Variants in SLC9A9 observed in about 807,000 individuals in gnomAD.
SLC9A9 encodes solute carrier family 9 member A9, also known as sodium/hydrogen exchanger 9.
Under a neutral mutation model 77.8 loss-of-function variants are expected in SLC9A9, and 62 were observed. The ratio of observed to expected loss-of-function variants is 0.80; its 90% CI spans 0.65 to 0.98. The LOEUF (loss-of-function observed/expected upper bound fraction) is 0.98. SLC9A9 is among the 50% of genes least tolerant of loss of function. The pLI, the probability that SLC9A9 is intolerant of heterozygous loss-of-function variation, is 0.00. For synonymous variants in SLC9A9, 320 were observed against 283.5 expected, an observed-to-expected ratio of 1.13 and a Z score of -1.29; for missense variants, 775 against 774.9, an observed-to-expected ratio of 1.00 and a Z score of 0.00.
At chr3:143,542,388 A>G (rs1435826425) in intron 9 of SLC9A9, among the ~76,000 whole-genome samples, 1 of 152,234 alleles carries the variant, frequency 6.6e-6, no homozygotes, top group Non-Finnish European at 1.5e-5. Context: ...TGCTTTATGA[A>G]GATATCTTTG....
chr3:143,410,657 G>A lies in SLC9A9; in HGVS notation c.1470-28543C>T, dbSNP rs2034078642. On this transcript the variant is annotated intron_variant, in intron 12 of 15. Coordinates refer to ENST00000316549, the MANE Select transcript of SLC9A9 (RefSeq NM_173653.4). Reference sequence around the variant, plus strand: ...ATCTTAGGGCATTGCTGCCAGAATTGTCTTCTTTTGCACTTTACTATTCTT... The same window carrying A: ...ATCTTAGGGCATTGCTGCCAGAATTATCTTCTTTTGCACTTTACTATTCTT... Among the ~76,000 whole-genome samples the A allele has an allele frequency of 3.3e-5, 5 of 152,088 alleles. No homozygotes were observed. In the South Asian group the frequency reaches 1.0e-3, roughly 31 times the overall value.
chr3:143,396,909 C>T lies in SLC9A9; in HGVS notation c.1470-14795G>A, dbSNP rs115283893. Among the ~76,000 whole-genome samples the T allele has an allele frequency of 4.2e-3, 643 of 152,238 alleles. 4 individuals carry two copies. Among genetic ancestry groups the T allele is most frequent in the African/African-American group, 0.015 (612 of 41,552 alleles). On this transcript the variant is annotated intron_variant, in intron 12 of 15. Transcript: ENST00000316549. ...GTGGCTGGTGTTTACATGTATCTGACAATTTAGATATACATTTTGGAGTGT... is the reference window on the plus strand; with the variant it reads ...GTGGCTGGTGTTTACATGTATCTGATAATTTAGATATACATTTTGGAGTGT...
chr3:143,404,140 T>G (rs949310549), intron 12 of SLC9A9, among the ~76,000 whole-genome samples: 4 of 151,568 alleles, frequency 2.6e-5, no homozygotes, highest in Admixed American at 6.6e-5. Context: ...TACTTTCACC[T>G]CAAGAATTTT....
chr3:143,711,291 G>C (rs1364013056), intron 4 of SLC9A9, among the ~76,000 whole-genome samples: 4 of 152,066 alleles, frequency 2.6e-5, no homozygotes, highest in African/African-American at 2.4e-5. Flanking sequence ...ACTTTTCAGA[G>C]TACACAGACT....
intron 4 of SLC9A9, among the ~76,000 whole-genome samples, chr3:143,712,120 T>G (rs1047228600): frequency 6.6e-6 from 1 of 152,180 alleles, no homozygotes; most frequent in Admixed American, 6.5e-5. Context: ...TTGATTTGAG[T>G]TGAGCAGGCT....
rs770350924 is a variant in SLC9A9 at position 143,451,111 on chromosome 3, T to C, written c.1469+15926A>G. On this transcript the variant is annotated intron_variant, in intron 12 of 15. Transcript: ENST00000316549. Reference sequence around the variant, plus strand: ...CATCTCCAAACACGGGGCAGCTTCATTACTGGCCAACTACAATCTCTACTG... The same window carrying C: ...CATCTCCAAACACGGGGCAGCTTCACTACTGGCCAACTACAATCTCTACTG... Among the ~76,000 whole-genome samples, 6 of 151,794 alleles carry C rather than the reference T, an allele frequency of 4.0e-5. No individual in the cohort carries two copies. In the South Asian group the frequency reaches 1.2e-3, roughly 32 times the overall value.
chr3:143,716,413 ATACT>A (rs1934355037), intron 4 of SLC9A9, among the ~76,000 whole-genome samples: 1 of 151,712 alleles, frequency 6.6e-6, no homozygotes, highest in African/African-American at 2.4e-5. Flanking sequence ...GGAAAATCAC[ATACT>A]TAGTTTCTTA....
At chr3:143,522,459 A>G (rs1285761532) in intron 9 of SLC9A9, among the ~76,000 whole-genome samples, 2 of 152,116 alleles carry the variant, frequency 1.3e-5, no homozygotes, top group African/African-American at 2.4e-5. Context: ...TCTCCTTCCT[A>G]TACTCATGAC....
chr3:143,791,954 A>G (rs774689088), intron 4 of SLC9A9, among the ~76,000 whole-genome samples: 1 of 152,200 alleles, frequency 6.6e-6, no homozygotes, highest in Admixed American at 6.5e-5. Flanking sequence ...TTTGGTGCTA[A>G]TATTCAACAA....
chr3:143,552,564 A>G, intron 8 of SLC9A9, 114 bp from the exon 9 acceptor site: 2 of 813,356 alleles, frequency 2.5e-6, no homozygotes, highest in Non-Finnish European at 4.1e-6. Flanking sequence ...TAAAACTGCT[A>G]GTAGTTACCA....
intron 6 of SLC9A9, among the ~76,000 whole-genome samples, chr3:143,606,434 C>CTATATATATATATATATATATA (rs1427549304): frequency 5.7e-5 from 3 of 52,934 alleles, no homozygotes; most frequent in Non-Finnish European, 1.0e-4. Context: ...CTCTCTCTCT[C>CTATATATATATATATATATATA]TCTATATATA....
chr3:143,744,564 G>T (rs1183161987), intron 4 of SLC9A9, among the ~76,000 whole-genome samples: 1 of 152,128 alleles, frequency 6.6e-6, no homozygotes, highest in Non-Finnish European at 1.5e-5. Flanking sequence ...AGCCCTGCTT[G>T]CGATTTTCTC....
At chr3:143,677,459 A>G (rs929242099) in intron 5 of SLC9A9, among the ~76,000 whole-genome samples, 2 of 152,182 alleles carry the variant, frequency 1.3e-5, no homozygotes, top group African/African-American at 4.8e-5. Context: ...ATGTTGCAGT[A>G]CACATTCTTG....
intron 12 of SLC9A9, among the ~76,000 whole-genome samples, chr3:143,424,594 T>A (rs1448369115): frequency 6.6e-6 from 1 of 152,246 alleles, no homozygotes; most frequent in East Asian, 1.9e-4. Context: ...CCTCCCCAAG[T>A]GCTGGGTGAT....
At chr3:143,493,910 T>C in intron 10 of SLC9A9, 146 bp from the exon 11 acceptor site, 1 of 679,162 alleles carries the variant, frequency 1.5e-6, no homozygotes, top group South Asian at 1.7e-5. Context: ...TTGTCCAACT[T>C]GCTTCCAAAA....
At chr3:143,283,031 C>G (rs1197001651) in intron 14 of SLC9A9, among the ~76,000 whole-genome samples, 1 of 152,220 alleles carries the variant, frequency 6.6e-6, no homozygotes, top group Non-Finnish European at 1.5e-5. Context: ...TATCTCCTCT[C>G]TTGTTAGACT....
intron 14 of SLC9A9, among the ~76,000 whole-genome samples, chr3:143,270,926 C>T (rs973511197): frequency 2.0e-5 from 3 of 152,112 alleles, no homozygotes; most frequent in Non-Finnish European, 2.9e-5. Flanking sequence ...CAACCACAGT[C>T]CAAAAAAATT....
At chr3:143,537,366 C>T (rs896143246) in intron 9 of SLC9A9, among the ~76,000 whole-genome samples, 1 of 152,208 alleles carries the variant, frequency 6.6e-6, no homozygotes, top group African/African-American at 2.4e-5. Flanking sequence ...CATGTGTTGT[C>T]AGAGCCTGGA....
chr3:143,368,528 G>C (rs2032968029), intron 13 of SLC9A9, among the ~76,000 whole-genome samples: 1 of 152,186 alleles, frequency 6.6e-6, no homozygotes, highest in African/African-American at 2.4e-5. Context: ...AGTGGATTAA[G>C]TGAGAGAGGG....
Sources: allele counts gnomAD v4.1 joint callset (sites outside exome capture counted in the v4.1 genomes callset), GRCh38; gene constraint gnomAD v4.1.1; transcripts MANE v1.5; gene names NCBI Gene and HGNC (gene_info 2026-07-23, HGNC 2026-07-21).